NSUN6: variants seen among roughly 807,000 people sequenced by gnomAD.
The protein encoded by NSUN6 is tRNA (cytosine(72)-C(5))-methyltransferase NSUN6.
In NSUN6, 64 loss-of-function variants were observed where a neutral mutation model predicts 58.0. The ratio of observed to expected loss-of-function variants is 1.10; its 90% CI spans 0.90 to 1.36. The LOEUF (loss-of-function observed/expected upper bound fraction) is 1.36. Among genes scored for constraint, NSUN6 ranks in the 40% most tolerant of loss-of-function variants. The pLI is 0.00. For missense variants in NSUN6, 701 were observed against 550.1 expected, an observed-to-expected ratio of 1.27 and a Z score of -2.74; for synonymous variants, 231 against 193.9, an observed-to-expected ratio of 1.19 and a Z score of -1.59.
intron 5 of NSUN6, among the ~76,000 whole-genome samples, chr10:18,613,912 C>G (rs919903111): frequency 6.6e-6 from 1 of 152,104 alleles, no homozygotes; most frequent in African/African-American, 2.4e-5. Flanking sequence ...AAATAAGAGC[C>G]TGGATTTTTC....
intron 8 of NSUN6, among the ~76,000 whole-genome samples, chr10:18,577,064 T>C (rs1026811743): frequency 2.6e-5 from 4 of 152,142 alleles, no homozygotes; most frequent in South Asian, 2.1e-4. Context: ...AAAATGTAGA[T>C]TGGATACACT....
intron 3 of NSUN6, among the ~76,000 whole-genome samples, chr10:18,639,482 G>C (rs1167259201): frequency 6.6e-6 from 1 of 151,960 alleles, no homozygotes; most frequent in Non-Finnish European, 1.5e-5. Flanking sequence ...TGACAGACTT[G>C]AGACTCCGTC....
chr10:18,646,157 T>C (rs2059540428), intron 2 of NSUN6, among the ~76,000 whole-genome samples: 1 of 152,010 alleles, frequency 6.6e-6, no homozygotes, highest in African/African-American at 2.4e-5. Context: ...ATCGCACCAC[T>C]GCACTCCAGC....
intron 8 of NSUN6, among the ~76,000 whole-genome samples, chr10:18,567,524 T>C (rs1315482189): frequency 1.3e-5 from 2 of 150,946 alleles, no homozygotes; most frequent in Non-Finnish European, 3.0e-5. Flanking sequence ...CACCACTGCA[T>C]CCCATTCCGT....
At chr10:18,553,346 T>G (rs971917927) in intron 8 of NSUN6, among the ~76,000 whole-genome samples, 1 of 150,034 alleles carries the variant, frequency 6.7e-6, no homozygotes, top group Non-Finnish European at 1.5e-5. Context: ...AAATGCAGAA[T>G]GGAAGAGAAT....
In NSUN6 at chr10:18,600,959, T is replaced by TATATATATATATATATACATAC; in HGVS notation, c.658-4633_658-4632insGTATGTATATATATATATATAT. On this transcript the variant is annotated intron_variant, in intron 6 of 10. Coordinates refer to ENST00000377304, the MANE Select transcript of NSUN6 (RefSeq NM_182543.5). ...AAAAAAAAATATATATATATATATATACATATATATATATATATGTATATA... is the reference window on the plus strand; with the variant it reads ...AAAAAAAAATATATATATATATATATATATATATATATATATACATACACATATATATATATATATGTATATA... 1.5e-4 allele frequency among the ~76,000 whole-genome samples: 10 copies of TATATATATATATATATACATAC among 64,960 alleles called. No homozygotes were observed. In the East Asian group the frequency reaches 5.3e-3, roughly 34 times the overall value. The allele number at this position is 64,960 out of a possible 152,430, so 42.6% of individuals were successfully genotyped here. A position where few individuals can be genotyped will look rare whatever the true frequency, so the allele number is the denominator to read the frequency against.
intron 6 of NSUN6, among the ~76,000 whole-genome samples, chr10:18,609,262 G>A (rs184203122): frequency 1.3e-3 from 195 of 152,176 alleles, no homozygotes; most frequent in African/African-American, 4.2e-3. Flanking sequence ...AGTGAGCTAC[G>A]ATTGTACCAC....
intron 8 of NSUN6, among the ~76,000 whole-genome samples, chr10:18,578,578 C>A (rs998160684): frequency 1.3e-5 from 2 of 152,096 alleles, no homozygotes; most frequent in East Asian, 3.9e-4. Context: ...TTGCTTACAG[C>A]CCCCCAACAT....
chr10:18,621,016 A>G (rs1022115613), intron 3 of NSUN6, among the ~76,000 whole-genome samples: 3 of 152,236 alleles, frequency 2.0e-5, no homozygotes, highest in Non-Finnish European at 4.4e-5. Flanking sequence ...CCTGCTTACA[A>G]GGCTGGCCCT....
intron 6 of NSUN6, among the ~76,000 whole-genome samples, chr10:18,597,431 T>C (rs929186201): frequency 2.6e-5 from 4 of 152,312 alleles, no homozygotes; most frequent in South Asian, 2.1e-4. Context: ...TTTCAATTCA[T>C]TCCTACCAAA....
chr10:18,607,382 C>T (rs941877234), intron 6 of NSUN6, among the ~76,000 whole-genome samples: 3 of 152,154 alleles, frequency 2.0e-5, no homozygotes, highest in African/African-American at 7.2e-5. Flanking sequence ...CACATTCTTT[C>T]AAAATTTTCC....
At chr10:18,564,887 CCATTTCATTG>C (rs1173755961) in intron 8 of NSUN6, among the ~76,000 whole-genome samples, 1 of 150,998 alleles carries the variant, frequency 6.6e-6, no homozygotes, top group Non-Finnish European at 1.5e-5. Flanking sequence ...CCATTCCATT[CCATTTCATTG>C]CATTCTATTC....
chr10:18,618,028 T>C (rs4748496), intron 3 of NSUN6, among the ~76,000 whole-genome samples: 31,872 of 152,092 alleles, frequency 0.21, 3,674 homozygotes, highest in South Asian at 0.31. Flanking sequence ...CAGCAAAAAA[T>C]AAACTAAGAC....
chr10:18,546,287 G>A (rs1376695210), intron 10 of NSUN6, 142 bp from the exon 11 acceptor site: 8 of 693,298 alleles, frequency 1.2e-5, no homozygotes, highest in East Asian at 1.1e-4. Flanking sequence ...CTTTCATTTT[G>A]GTGGAACATA....
intron 3 of NSUN6, among the ~76,000 whole-genome samples, chr10:18,620,161 C>T (rs932395008): frequency 1.3e-5 from 2 of 151,514 alleles, no homozygotes; most frequent in African/African-American, 2.4e-5. Flanking sequence ...CATCTTGGCT[C>T]GCTGCAAGCT....
rs542727551 is a variant in NSUN6, at chr10:18,627,677, C to T, written c.312-11384G>A. On this transcript the variant is annotated intron_variant, in intron 3 of 10. Coordinates refer to ENST00000377304, the MANE Select transcript of NSUN6 (RefSeq NM_182543.5). ...ACGGCACCTGGAAAATTGGGTCACT[C>T]CCACCCCAATACCGCGCTTTTCCGA... 2.6e-3 allele frequency among the ~76,000 whole-genome samples: 393 copies of T among 152,318 alleles called. 2 individuals are homozygous for T. Among genetic ancestry groups the T allele is most frequent in the African/African-American group, 8.6e-3 (358 of 41,584 alleles).
At chr10:18,569,630 A>C (rs557398465) in intron 8 of NSUN6, among the ~76,000 whole-genome samples, 2 of 146,608 alleles carry the variant, frequency 1.4e-5, no homozygotes, top group Non-Finnish European at 3.0e-5. Flanking sequence ...CCATTCCATT[A>C]CATTCCATTC....
At chr10:18,638,118 A>C (rs2059276764) in intron 3 of NSUN6, among the ~76,000 whole-genome samples, 2 of 152,166 alleles carry the variant, frequency 1.3e-5, no homozygotes, top group African/African-American at 4.8e-5. Context: ...AAAACTAAAG[A>C]ATAAAGAAGA....
At chr10:18,571,733 T>A (rs1257241176) in intron 8 of NSUN6, among the ~76,000 whole-genome samples, 1 of 150,636 alleles carries the variant, frequency 6.6e-6, no homozygotes, top group Non-Finnish European at 1.5e-5. Flanking sequence ...CCATTCCACA[T>A]TCCATTCCAT....
Sources: allele counts gnomAD v4.1 joint callset (sites outside exome capture counted in the v4.1 genomes callset), GRCh38; gene constraint gnomAD v4.1.1; transcripts MANE v1.5; gene names NCBI Gene and HGNC (gene_info 2026-07-23, HGNC 2026-07-21).